The following PDE3B variants were observed in gnomAD, a reference collection of about 807,000 sequenced individuals.
The protein encoded by PDE3B is phosphodiesterase 3B.
Under a neutral mutation model 116.8 loss-of-function variants are expected in PDE3B, and 66 were observed. The observed-to-expected ratio is 0.56, with a 90% CI of 0.46 to 0.69. The LOEUF (loss-of-function observed/expected upper bound fraction) is 0.69, where lower values mean the gene tolerates loss of function less well. Ranked by LOEUF, PDE3B falls within the 30% of genes least tolerant of loss-of-function variation. The pLI, the probability that PDE3B is intolerant of heterozygous loss-of-function variation, is 0.00. For synonymous variants in PDE3B, 595 were observed against 533.6 expected (o/e 1.12, Z -1.59); for missense variants, 1,384 against 1,368.1 (o/e 1.01, Z -0.18).
chr11:14,679,519 G>A (rs898655285), intron 1 of PDE3B, among the ~76,000 whole-genome samples: 2 of 152,106 alleles, frequency 1.3e-5, no homozygotes, highest in African/African-American at 4.8e-5. Flanking sequence ...TGTAAAATAA[G>A]TTTGGGATTT....
chr11:14,774,408 T>C (rs972765173), intron 2 of PDE3B: 1 of 152,196 alleles, frequency 6.6e-6, no homozygotes, highest in Non-Finnish European at 1.5e-5. Flanking sequence ...TATATAAATT[T>C]CAATAGTAAT....
chr11:14,733,302 G>A (rs1856510668), intron 1 of PDE3B, among the ~76,000 whole-genome samples: 1 of 152,138 alleles, frequency 6.6e-6, no homozygotes, highest in Non-Finnish European at 1.5e-5. Context: ...CTACAGAAAT[G>A]ACAATAAGCT....
chr11:14,759,096 C>A (rs562829664), intron 1 of PDE3B, among the ~76,000 whole-genome samples: 1 of 152,002 alleles, frequency 6.6e-6, no homozygotes, highest in Non-Finnish European at 1.5e-5. Flanking sequence ...ATTGAACCAG[C>A]CTTGCATCCC....
At chr11:14,768,315 A>G (rs956566069) in intron 1 of PDE3B, among the ~76,000 whole-genome samples, 3 of 151,582 alleles carry the variant, frequency 2.0e-5, no homozygotes, top group African/African-American at 7.2e-5. Flanking sequence ...TACCATTAAC[A>G]TTGAAGTTCC....
At chr11:14,744,740 A>G (rs1272440774) in intron 1 of PDE3B, among the ~76,000 whole-genome samples, 2 of 152,222 alleles carry the variant, frequency 1.3e-5, no homozygotes, top group East Asian at 3.8e-4. Flanking sequence ...ACTTTCTAAT[A>G]AAAGAGAAGA....
Position 14,749,899 on chromosome 11 carries a change from CAT to C in PDE3B, c.979-22025_979-22024del, listed in dbSNP as rs66919202. Among the ~76,000 whole-genome samples, 346 of 77,604 alleles carry C rather than the reference CAT, an allele frequency of 4.5e-3. 40 individuals are homozygous for C. The highest frequency in any genetic ancestry group is 0.016 in the African/African-American group (284 of 17,512). 50.9% of individuals were successfully genotyped at this position (77,604 alleles called of 152,430 possible). On this transcript the variant is annotated intron_variant, in intron 1 of 15. Coordinates refer to ENST00000282096, the MANE Select transcript of PDE3B (RefSeq NM_000922.4). ...TTATAGATTTAAAATAAATATATCC[CAT>C]ATATATATATATGTATCTTTGTGGA...
intron 5 of PDE3B, among the ~76,000 whole-genome samples, chr11:14,806,298 A>G (rs1377474836): frequency 1.3e-5 from 2 of 150,538 alleles, no homozygotes; most frequent in East Asian, 4.0e-4. Flanking sequence ...AAAAAAAAAA[A>G]TCAGCTGGGC....
At position 14,843,988 on chromosome 11, in the gene PDE3B, A is replaced by G. The variant is rs1352223282; in HGVS notation, c.2482A>G (p.Arg828Gly). 4.3e-6 allele frequency: 7 copies of G among 1,613,992 alleles called. No homozygotes were observed. Among genetic ancestry groups the G allele is most frequent in the Non-Finnish European group, 5.9e-6 (7 of 1,179,992 alleles). The change falls in exon 12 of 16, where the codon AGG becomes GGG. Residue 828 changes from arginine to glycine, a missense_variant. Arg to Gly is a moderately radical substitution (Grantham distance 125). This residue lies in a region of PDE3B where 428 missense variants were observed against 561.4 expected (regional missense o/e 0.76). Transcript: ENST00000282096. ...CATGCATGATTATGATCACCCAGGGAGGACAAATGCATTTCTAGTGGCTAC... is the reference window on the plus strand; with the variant it reads ...CATGCATGATTATGATCACCCAGGGGGGACAAATGCATTTCTAGTGGCTAC... ...AAMHDYDHPG[R>G]TNAFLVATNA...
intron 5 of PDE3B, among the ~76,000 whole-genome samples, chr11:14,813,866 C>T (rs1022920902): frequency 2.6e-5 from 4 of 151,980 alleles, no homozygotes; most frequent in Admixed American, 6.6e-5. Context: ...AAATCCTAAA[C>T]AAAAAGTTAC....
chr11:14,839,810 G>C (rs1278287670), intron 11 of PDE3B, among the ~76,000 whole-genome samples: 3 of 152,192 alleles, frequency 2.0e-5, no homozygotes, highest in Non-Finnish European at 4.4e-5. Flanking sequence ...CATTGAGCAA[G>C]AAGTAACAGA....
intron 1 of PDE3B, among the ~76,000 whole-genome samples, chr11:14,651,909 A>G (rs1049051959): frequency 6.6e-6 from 1 of 152,172 alleles, no homozygotes; most frequent in Non-Finnish European, 1.5e-5. Flanking sequence ...TAGCTTTCTA[A>G]TAAGACTTAA....
Position 14,737,750 on chromosome 11 carries a change from A to G in PDE3B, c.979-34187A>G, listed in dbSNP as rs139352510. Among the ~76,000 whole-genome samples the G allele has an allele frequency of 1.5e-3, 188 of 127,016 alleles. 1 individual carries two copies. The highest frequency in any genetic ancestry group is 5.3e-3 in the African/African-American group (180 of 34,070). 83.3% of individuals were successfully genotyped at this position (127,016 alleles called of 152,430 possible). On this transcript the variant is annotated intron_variant, in intron 1 of 15. Coordinates refer to ENST00000282096, the MANE Select transcript of PDE3B (RefSeq NM_000922.4). ...TCATTTAGCATTAGTTATATCTCCTAATGCTATCCCTTCCCCCCTCCCCCC... is the reference window on the plus strand; with the variant it reads ...TCATTTAGCATTAGTTATATCTCCTGATGCTATCCCTTCCCCCCTCCCCCC...
intron 1 of PDE3B, among the ~76,000 whole-genome samples, chr11:14,767,458 T>C (rs1362950709): frequency 6.6e-6 from 1 of 151,578 alleles, no homozygotes; most frequent in Admixed American, 6.6e-5. Context: ...TATTCCGAGC[T>C]ATTTATGTTA....
chr11:14,809,728 C>T lies in PDE3B; in HGVS notation c.1522+5678C>T, dbSNP rs549598999. 3.9e-5 allele frequency among the ~76,000 whole-genome samples: 6 copies of T among 152,236 alleles called. No homozygotes were observed. The East Asian group carries it at 1.2e-3, about 29-fold the overall frequency. On this transcript the variant is annotated intron_variant, in intron 5 of 15. Transcript: ENST00000282096. Reference sequence around the variant, plus strand: ...AAAGAGGCCTGAGGAAGCTAGCTATCCTGTCAGCCATGTGAGGATACAGTG... The same window carrying T: ...AAAGAGGCCTGAGGAAGCTAGCTATTCTGTCAGCCATGTGAGGATACAGTG...
At chr11:14,876,543 A>G (rs1383616987), downstream of PDE3B, among the ~76,000 whole-genome samples, 1 of 152,158 alleles carries the variant, frequency 6.6e-6, no homozygotes, top group Admixed American at 6.6e-5. Flanking sequence ...GTAGTCAGGC[A>G]TATGTTCAGG....
intron 1 of PDE3B, among the ~76,000 whole-genome samples, chr11:14,716,200 C>T (rs532623763): frequency 3.9e-5 from 6 of 152,350 alleles, no homozygotes; most frequent in Non-Finnish European, 4.4e-5. Flanking sequence ...CCGAATACTG[C>T]GCTTTTCAGA....
chr11:14,892,396 T>G, the PDE3B span: 1 of 624,152 alleles, frequency 1.6e-6, no homozygotes, highest in South Asian at 1.9e-5. Context: ...GAGTGGACTT[T>G]GCGGAGCGGG....
intron 1 of PDE3B, among the ~76,000 whole-genome samples, chr11:14,770,658 T>C (rs1857613701): frequency 6.6e-6 from 1 of 151,602 alleles, no homozygotes; most frequent in Non-Finnish European, 1.5e-5. Context: ...TGGTATACTT[T>C]GCATGCAGTT....
intron 5 of PDE3B, among the ~76,000 whole-genome samples, chr11:14,807,284 C>T (rs915729851): frequency 1.3e-5 from 2 of 151,952 alleles, no homozygotes; most frequent in African/African-American, 4.8e-5. Context: ...TGGGTAAACA[C>T]AATAATAACT....
Sources: gnomAD v4.1 joint callset for allele counts (sites outside exome capture counted in the v4.1 genomes callset) on GRCh38, gnomAD v4.1.1 for gene constraint, gnomAD v4.1.1 regional missense constraint, MANE v1.5 for transcripts, NCBI Gene and HGNC (gene_info 2026-07-23, HGNC 2026-07-21) for gene names.